Variants in COL2A1 observed in about 807,000 individuals in gnomAD.
COL2A1 encodes collagen type II alpha 1 chain, also known as collagen alpha-1(II) chain.
In COL2A1, 28 loss-of-function variants were observed where a neutral mutation model predicts 204.5. The ratio of observed to expected loss-of-function variants is 0.14; its 90% CI spans 0.10 to 0.19. The LOEUF is 0.19. Ranked by LOEUF, COL2A1 falls within the 10% of genes least tolerant of loss-of-function variation. The probability of loss-of-function intolerance (pLI) is 1.00; values close to 1 mark genes in which losing one functional copy is unlikely to be tolerated. For missense variants in COL2A1, 1,388 were observed against 2,027.5 expected, an observed-to-expected ratio of 0.68 and a Z score of 6.06; for synonymous variants, 708 against 718.7, an observed-to-expected ratio of 0.99 and a Z score of 0.24.
rs142527323 is a variant in COL2A1, at chr12:47,978,450, G to A, written c.2896-52C>T. Reference sequence around the variant, plus strand: ...AACTGACAGTGGCCCAGCCTCTTCTGTCCTCTCAGCACAGCTCTGTCTGTG... The same window carrying A: ...AACTGACAGTGGCCCAGCCTCTTCTATCCTCTCAGCACAGCTCTGTCTGTG... On this transcript the variant is annotated intron_variant, in intron 42 of 53. Transcript: ENST00000380518. The surrounding 1 kb of genome is among the most constrained non-coding windows in gnomAD (Gnocchi z 5.5). 3.2e-5 allele frequency: 51 copies of A among 1,593,098 alleles called. 1 individual carries two copies. In the African/African-American group the frequency reaches 6.3e-4, roughly 20 times the overall value.
chr12:47,987,751 G>C lies in COL2A1; in HGVS notation c.1123-42C>G. On this transcript the variant is annotated intron_variant, in intron 18 of 53. Coordinates refer to ENST00000380518, the MANE Select transcript of COL2A1 (RefSeq NM_001844.5). The surrounding 1 kb of genome is among the most constrained non-coding windows in gnomAD (Gnocchi z 4.1). Reference sequence around the variant, plus strand: ...AGGATGAAATGAAGAAGAAGAGAGGGGACACAGACCTCTAGTGGGTGGGCA... The same window carrying C: ...AGGATGAAATGAAGAAGAAGAGAGGCGACACAGACCTCTAGTGGGTGGGCA... 6.7e-7 allele frequency: 1 copy of C among 1,486,764 alleles called. No individual in the cohort carries two copies. Among genetic ancestry groups the C allele is most frequent in the Non-Finnish European group, 9.3e-7 (1 of 1,075,932 alleles). 92.1% of individuals were successfully genotyped at this position (1,486,764 alleles called of 1,614,324 possible).
intron 27 of COL2A1, 100 bp downstream of exon 27, chr12:47,984,895 C>T (rs1055717212): frequency 1.3e-5 from 13 of 1,017,632 alleles, no homozygotes; most frequent in Non-Finnish European, 1.8e-5. Context: ...TCATCACTGT[C>T]CCTGGTTAAA....
chr12:47,999,653 T>TTTTTG (rs1940137346), intron 2 of COL2A1: 1 of 179,310 alleles, frequency 5.6e-6, no homozygotes, highest in Admixed American at 6.8e-5. Flanking sequence ...TTTTTTTTTT[T>TTTTTG]GTAGAATCAC....
In COL2A1 at chr12:47,980,946, G is replaced by C. The variant is rs375253238; in HGVS notation, c.2486C>G (p.Pro829Arg). ...GAPGERGETG[P>R]PGPAGFAGPP... ...CCCAGCAAATCCCGCTGGTCCGGGG[G>C]GCCCAGTCTCTCCACGTTCACCCTG... Residue 829 changes from proline to arginine, a missense_variant, in exon 38 of 54, where the codon CCC (proline) becomes CGC (arginine). Around this residue, in one of 3 missense-constraint regions of COL2A1, gnomAD observed 884 missense variants for 1,415.8 expected, o/e 0.62. Coordinates refer to ENST00000380518, the MANE Select transcript of COL2A1 (RefSeq NM_001844.5). The surrounding 1 kb of genome is among the most constrained non-coding windows in gnomAD (Gnocchi z 4.5). The C allele has an allele frequency of 6.4e-7, 1 of 1,552,222 alleles. No individual in the cohort carries two copies. The highest frequency in any genetic ancestry group is 1.4e-5 in the African/African-American group (1 of 73,044).
Position 47,980,983 on chromosome 12 carries a change from G to A in COL2A1, c.2464-15C>T. On this transcript the variant is annotated splice_polypyrimidine_tract_variant and intron_variant, in intron 37 of 53. Coordinates refer to ENST00000380518, the MANE Select transcript of COL2A1 (RefSeq NM_001844.5). This position sits in a 1 kb window ranked among gnomAD's most constrained non-coding sequence, Gnocchi z 4.5. ...CCACGTTCACCCTGTGAGAGAAGGG[G>A]GCATGGCGAGAGGTCAGGCCCCGCT... 6.4e-7 allele frequency: 1 copy of A among 1,550,418 alleles called. No homozygotes were observed. The highest frequency in any genetic ancestry group is 8.7e-7 in the Non-Finnish European group (1 of 1,146,832).
chr12:47,973,590 A>G (rs745486134), intron 53 of COL2A1, 37 bp from the exon 54 acceptor site: 1 of 1,613,062 alleles, frequency 6.2e-7, no homozygotes, highest in South Asian at 1.1e-5. Context: ...TGTTCAGTAG[A>G]TGCCTTGCTA....
chr12:47,975,497 G>A lies in COL2A1; in HGVS notation c.3706C>T (p.Leu1236=), dbSNP rs769035328. 1.9e-6 allele frequency: 3 copies of A among 1,613,056 alleles called. No individual in the cohort carries two copies. The highest frequency in any genetic ancestry group is 1.6e-4 in the Middle Eastern group (1 of 6,062). ...GCCTGGTCGGCCCGCATGTACTGCA[G>A]GGGGTCGGGGCCCTTCTCTCTCGGG... ...LGPREKGPDP[L]QYMRADQAAG... is the part of the protein sequence containing the mutation. Residue 1236 remains leucine, a synonymous_variant, in exon 51 of 54, where the codon CTG becomes TTG. Transcript: ENST00000380518.
chr12:48,005,474 G>T (rs1049341684), upstream of COL2A1: 2 of 152,226 alleles, frequency 1.3e-5, no homozygotes, highest in Non-Finnish European at 2.9e-5. Context: ...CCTGGCCAGG[G>T]ATCGGGGAGG....
At chr12:47,999,705 T>C in intron 2 of COL2A1, 1 of 494,710 alleles carries the variant, frequency 2.0e-6, no homozygotes, top group Non-Finnish European at 3.6e-6. Context: ...TTTTTGGAGA[T>C]GTTGGGCAAA....
chr12:47,993,450 A>G lies in COL2A1; in HGVS notation c.969+8T>C. On this transcript the variant is annotated splice_region_variant and intron_variant, in intron 15 of 53. Coordinates refer to ENST00000380518, the MANE Select transcript of COL2A1 (RefSeq NM_001844.5). The stretch of plus-strand genomic sequence containing the variant: ...TGATAAACCTTCCTGGAGGGTGTCC[A>G]TACTTACCATTGGGCCCGGAGATCC... 2 of 1,609,346 alleles carry G rather than the reference A, an allele frequency of 1.2e-6. No individual in the cohort carries two copies. Among genetic ancestry groups the G allele is most frequent in the Non-Finnish European group, 1.7e-6 (2 of 1,175,630 alleles).
chr12:47,984,080 T>G lies in COL2A1; in HGVS notation c.1941+7A>C, dbSNP rs1381207319. The G allele has an allele frequency of 6.2e-7, 1 of 1,610,028 alleles. No individual in the cohort carries two copies. Reference sequence around the variant, plus strand: ...GGGCCACCTGGGGAGGCTGGGCAGGTACTTACAGCAGGGCCAGGGGGTCCT... The same window carrying G: ...GGGCCACCTGGGGAGGCTGGGCAGGGACTTACAGCAGGGCCAGGGGGTCCT... On this transcript the variant is annotated splice_region_variant and intron_variant, in intron 29 of 53. Coordinates refer to ENST00000380518, the MANE Select transcript of COL2A1 (RefSeq NM_001844.5).
At position 47,980,093 on chromosome 12, in the gene COL2A1, C is replaced by T. The variant is rs768854009; in HGVS notation, c.2626-31G>A. On this transcript the variant is annotated intron_variant, in intron 39 of 53. Transcript: ENST00000380518. The surrounding 1 kb of genome is among the most constrained non-coding windows in gnomAD (Gnocchi z 4.5). ...AAGGAAAGAGGGAGACAGTGAGGCCCAGTGGCCCAAGGAAGACGGTGGGCT... is the reference window on the plus strand; with the variant it reads ...AAGGAAAGAGGGAGACAGTGAGGCCTAGTGGCCCAAGGAAGACGGTGGGCT... 1 of 1,542,380 alleles carries T rather than the reference C, an allele frequency of 6.5e-7. No homozygotes were observed. Among genetic ancestry groups the T allele is most frequent in the South Asian group, 1.2e-5 (1 of 83,926 alleles).
intron 8 of COL2A1, 110 bp downstream of exon 8, chr12:47,996,438 G>A (rs1565693880): frequency 1.0e-6 from 1 of 955,532 alleles, no homozygotes; most frequent in South Asian, 1.3e-5. Context: ...AACTACGGAG[G>A]AGAGCCACTC....
At chr12:47,975,000 G>A in intron 51 of COL2A1, 138 bp from the exon 52 acceptor site, 3 of 918,248 alleles carry the variant, frequency 3.3e-6, no homozygotes, top group South Asian at 3.3e-5. Flanking sequence ...CTGAAAGGAG[G>A]GGGACCTGGG....
chr12:48,001,507 C>T (rs570221101), intron 1 of COL2A1, among the ~76,000 whole-genome samples: 1 of 151,742 alleles, frequency 6.6e-6, no homozygotes, highest in Non-Finnish European at 1.5e-5. Context: ...GCGCTCCAGC[C>T]CAGACTACAG....
At chr12:47,986,629 C>T (rs1939432758) in intron 22 of COL2A1, among the ~76,000 whole-genome samples, 186 bp from the exon 23 acceptor site, 1 of 152,206 alleles carries the variant, frequency 6.6e-6, no homozygotes, top group Admixed American at 6.5e-5. Flanking sequence ...AAAGATCCAA[C>T]TGTTCACACT....
At chr12:47,981,726 G>A (rs1228001342) in intron 36 of COL2A1, 50 bp downstream of exon 36, 11 of 1,523,564 alleles carry the variant, frequency 7.2e-6, no homozygotes, top group Admixed American at 3.9e-5. Context: ...AGATAAGAAG[G>A]AGGTGTGACA....
chr12:48,005,412 G>A, upstream of COL2A1: 1 of 152,486 alleles, frequency 6.6e-6, no homozygotes, highest in Non-Finnish European at 1.5e-5. Context: ...AGTGGGCACT[G>A]CCGGCCGTCG....
At chr12:47,989,346 C>A in intron 17 of COL2A1, 65 bp from the exon 18 acceptor site, 1 of 1,299,624 alleles carries the variant, frequency 7.7e-7, no homozygotes, top group South Asian at 1.2e-5. Flanking sequence ...GCGAGCCACC[C>A]CGACACCTCA....
Sources: allele counts gnomAD v4.1 joint callset (sites outside exome capture counted in the v4.1 genomes callset), GRCh38; gene constraint gnomAD v4.1.1; regional missense constraint gnomAD v4.1.1; non-coding constraint Gnocchi (gnomAD v3.1); transcripts MANE v1.5; gene names NCBI Gene and HGNC (gene_info 2026-07-23, HGNC 2026-07-21).